USH1C: variants seen among roughly 807,000 people sequenced by gnomAD.
USH1C encodes USH1 protein network component harmonin, also known as harmonin.
In USH1C, 90 loss-of-function variants were observed where a neutral mutation model predicts 119.3. The ratio of observed to expected loss-of-function variants is 0.75; its 90% CI spans 0.64 to 0.90. USH1C has a LOEUF of 0.90. USH1C is among the 40% of genes least tolerant of loss of function. The pLI is 0.00. For missense variants in USH1C, 1,165 were observed against 1,167.7 expected, an observed-to-expected ratio of 1.00 and a Z score of 0.03; for synonymous variants, 465 against 443.3, an observed-to-expected ratio of 1.05 and a Z score of -0.62.
intron 20 of USH1C, among the ~76,000 whole-genome samples, chr11:17,502,503 G>C (rs1049969993): frequency 6.6e-6 from 1 of 152,252 alleles, no homozygotes; most frequent in East Asian, 1.9e-4. Context: ...CGGACAACAA[G>C]AAGAAAGCAG....
intron 19 of USH1C, 70 bp downstream of exon 19, chr11:17,505,760 G>C: frequency 1.2e-6 from 2 of 1,607,730 alleles, no homozygotes; most frequent in South Asian, 2.2e-5. Context: ...TCCAGAGACA[G>C]CAGAGCCCAG....
chr11:17,535,966 A>G (rs1299093820), intron 1 of USH1C, among the ~76,000 whole-genome samples: 2 of 152,186 alleles, frequency 1.3e-5, no homozygotes, highest in Non-Finnish European at 2.9e-5. Context: ...CTGGCAGGGG[A>G]AAATAACTCC....
rs573249482 is a variant in USH1C at position 17,530,461 on chromosome 11, C to T, written c.387+693G>A. ...ATTAATTCTGTAAAATGGGCACGAT[C>T]CGTTCAATGCATATAGCAAGGACTG... On this transcript the variant is annotated intron_variant, in intron 4 of 26. Coordinates refer to ENST00000005226, the MANE Select transcript of USH1C (RefSeq NM_153676.4). 5.3e-5 allele frequency among the ~76,000 whole-genome samples: 8 copies of T among 152,370 alleles called. No individual in the cohort carries two copies. The South Asian group carries it at 1.7e-3, about 32-fold the overall frequency.
chr11:17,523,362 T>G, intron 10 of USH1C, 57 bp downstream of exon 10: 1 of 1,613,722 alleles, frequency 6.2e-7, no homozygotes, highest in African/African-American at 1.3e-5. Context: ...GTGGTGGGGA[T>G]GAGAAGTGGG....
At chr11:17,526,226 G>T (rs1282962618) in intron 8 of USH1C, 121 bp downstream of exon 8, 4 of 803,412 alleles carry the variant, frequency 5.0e-6, no homozygotes, top group African/African-American at 1.7e-5. Context: ...CATCACCCAT[G>T]GACAGTCACA....
chr11:17,530,890 G>C (rs1850935584), intron 4 of USH1C, among the ~76,000 whole-genome samples: 7 of 152,242 alleles, frequency 4.6e-5, no homozygotes, highest in Admixed American at 3.3e-4. Flanking sequence ...GTGGGGGGAA[G>C]TGCAGCGGCA....
chr11:17,501,137 T>C lies in USH1C; in HGVS notation c.2294A>G (p.Asp765Gly), dbSNP rs1368646619. The C allele has an allele frequency of 6.2e-7, 1 of 1,613,788 alleles. No homozygotes were observed. Residue 765 changes from aspartate (D) to glycine (G), a missense_variant, in exon 23 of 27, where the codon GAC becomes GGC. Physicochemically the swap from Asp to Gly is moderately conservative, Grantham distance 94. Coordinates refer to ENST00000005226, the MANE Select transcript of USH1C (RefSeq NM_153676.4). ...LLRIKKEGSLDLALEGGVDSP... is the reference protein window; with the variant it reads ...LLRIKKEGSLGLALEGGVDSP... ...GTCCACACCGCCTTCCAGGGCCAGG[T>C]CTAAGGATCCCTCCTGGTTAGAGGA...
intron 20 of USH1C, 143 bp downstream of exon 20, chr11:17,504,504 G>C (rs894720755): frequency 5.6e-6 from 5 of 896,034 alleles, no homozygotes; most frequent in Non-Finnish European, 7.4e-6. Flanking sequence ...GGCAATGGAG[G>C]ACACAGCTCT....
chr11:17,499,777 A>G (rs1849368849), intron 23 of USH1C, among the ~76,000 whole-genome samples: 1 of 152,218 alleles, frequency 6.6e-6, no homozygotes, highest in Non-Finnish European at 1.5e-5. Context: ...ACCTCACCTT[A>G]GTAACCCACA....
Position 17,496,802 on chromosome 11 carries a change from G to T in USH1C, c.2502C>A (p.Asp834Glu). The T allele has an allele frequency of 6.2e-7, 1 of 1,614,194 alleles. No homozygotes were observed. Among genetic ancestry groups the T allele is most frequent in the Non-Finnish European group, 8.5e-7 (1 of 1,180,004 alleles). ...KAWNQGGDWI[D>E]LVVAVCPPKE... ...TTGGGGGGCAGACGGCAACCACAAG[G>T]TCGATCCAGTCCTGTGGGGAGAAGC... The change falls in exon 25 of 27, where the codon GAC becomes GAA. Residue 834 changes from aspartate to glutamate, a missense_variant. Coordinates refer to ENST00000005226, the MANE Select transcript of USH1C (RefSeq NM_153676.4).
intron 25 of USH1C, 104 bp downstream of exon 25, chr11:17,496,654 C>T: frequency 7.1e-7 from 1 of 1,415,928 alleles, no homozygotes; most frequent in Non-Finnish European, 9.9e-7. Context: ...GTGCTTGGGC[C>T]ATTCCTTCAG....
chr11:17,514,337 GC>G (rs1850038291), intron 15 of USH1C: 1 of 152,208 alleles, frequency 6.6e-6, no homozygotes, highest in Non-Finnish European at 1.5e-5. Context: ...TCCTGCCTCA[GC>G]CTCCCAAGTA....
intron 15 of USH1C, among the ~76,000 whole-genome samples, chr11:17,515,472 T>C (rs1591989554): frequency 6.6e-6 from 1 of 152,208 alleles, no homozygotes; most frequent in East Asian, 1.9e-4. Flanking sequence ...TGCTCTGGTT[T>C]CTGGGGGACT....
chr11:17,516,644 G>A (rs1482081159), intron 14 of USH1C: 3 of 366,184 alleles, frequency 8.2e-6, no homozygotes, highest in East Asian at 6.7e-5. Context: ...ACAAAGCCTT[G>A]TTGAAAGAGA....
In USH1C at chr11:17,544,414, G is replaced by A; in HGVS notation, c.-107C>T. ...CGCGACCGGGCCAGCCGCCCTCGGA[G>A]CTGGGGGCGGGGCCTGAGCGCGGAG... On this transcript the variant is annotated 5_prime_UTR_variant, in exon 1 of 27. Transcript: ENST00000005226. The A allele has an allele frequency of 2.6e-6, 4 of 1,521,264 alleles. No homozygotes were observed. Among genetic ancestry groups the A allele is most frequent in the Non-Finnish European group, 1.8e-6 (2 of 1,108,774 alleles). The allele number at this position is 1,521,264 out of a possible 1,614,324, so 94.2% of individuals were successfully genotyped here.
intron 4 of USH1C, among the ~76,000 whole-genome samples, chr11:17,528,245 G>A (rs1468846723): frequency 6.6e-6 from 1 of 152,188 alleles, no homozygotes. Context: ...CAGGGCTTAG[G>A]CCACAGTGGA....
At chr11:17,507,442 T>C (rs1399257301) in intron 18 of USH1C, among the ~76,000 whole-genome samples, 1 of 152,234 alleles carries the variant, frequency 6.6e-6, no homozygotes, top group Non-Finnish European at 1.5e-5. Flanking sequence ...CTGTCTTGAA[T>C]CTTGATCCTG....
intron 1 of USH1C, among the ~76,000 whole-genome samples, chr11:17,540,497 A>G (rs1477784294): frequency 2.0e-5 from 3 of 151,432 alleles, no homozygotes; most frequent in Non-Finnish European, 4.4e-5. Flanking sequence ...TACCACTCAC[A>G]CCCCCAAGGA....
At chr11:17,526,617 G>T (rs529296697) in intron 7 of USH1C, 136 bp downstream of exon 7, 2 of 1,158,394 alleles carry the variant, frequency 1.7e-6, no homozygotes, top group South Asian at 2.6e-5. Context: ...GCCCCACAGC[G>T]GTGTGCTGGC....
Sources: gnomAD v4.1 joint callset for allele counts (sites outside exome capture counted in the v4.1 genomes callset) on GRCh38, gnomAD v4.1.1 for gene constraint, MANE v1.5 for transcripts, NCBI Gene and HGNC (gene_info 2026-07-23, HGNC 2026-07-21) for gene names.